The following DLGAP1 variants were observed in gnomAD, a reference collection of about 807,000 sequenced individuals.
DLGAP1 encodes the protein DLG associated protein 1.
DLGAP1 carries 11 observed loss-of-function variants against 90.8 expected under a neutral mutation model. That is an observed-to-expected ratio of 0.12 (90% confidence interval 0.08 to 0.20). The LOEUF (loss-of-function observed/expected upper bound fraction) is 0.20, where lower values mean the gene tolerates loss of function less well. Ranked by LOEUF, DLGAP1 falls within the 10% of genes least tolerant of loss-of-function variation. The pLI is 1.00. For synonymous variants in DLGAP1, 558 were observed against 540.7 expected (o/e 1.03, Z -0.44); for missense variants, 1,050 against 1,333.8 (o/e 0.79, Z 3.31).
chr18:3,580,211 G>C, intron 8 of DLGAP1: 1 of 1,578,226 alleles, frequency 6.3e-7, no homozygotes, highest in South Asian at 1.1e-5. Context: ...CAAACCTCCG[G>C]GTGGACATTC....
At chr18:4,322,389 A>G (rs2080713187) in intron 1 of DLGAP1, among the ~76,000 whole-genome samples, 1 of 152,190 alleles carries the variant, frequency 6.6e-6, no homozygotes, top group Non-Finnish European at 1.5e-5. Context: ...TACATAATGA[A>G]AAAAGGTCAG....
At chr18:4,045,470 GC>G (rs1400719034) in intron 2 of DLGAP1, among the ~76,000 whole-genome samples, 2 of 64,152 alleles carry the variant, frequency 3.1e-5, no homozygotes, top group Non-Finnish European at 5.9e-5. Flanking sequence ...AAAAAAGCTT[GC>G]CCCTGTAGTC....
intron 7 of DLGAP1, among the ~76,000 whole-genome samples, chr18:3,584,334 G>A (rs1212415954): frequency 1.4e-5 from 2 of 143,414 alleles, no homozygotes; most frequent in Non-Finnish European, 3.0e-5. Flanking sequence ...TGGCCATGCA[G>A]TCCCAACTTG....
At chr18:3,837,395 T>C (rs957141657) in intron 4 of DLGAP1, among the ~76,000 whole-genome samples, 2 of 152,212 alleles carry the variant, frequency 1.3e-5, no homozygotes, top group Non-Finnish European at 2.9e-5. Context: ...GCTGTAAATA[T>C]ATTAATTTAT....
intron 7 of DLGAP1, among the ~76,000 whole-genome samples, chr18:3,715,098 A>G (rs1169112191): frequency 6.6e-6 from 1 of 152,214 alleles, no homozygotes; most frequent in Non-Finnish European, 1.5e-5. Context: ...GAATGGAAGA[A>G]GCTCAACTGC....
At chr18:4,376,624 T>C (rs904699151) in intron 1 of DLGAP1, among the ~76,000 whole-genome samples, 3 of 152,218 alleles carry the variant, frequency 2.0e-5, no homozygotes, top group Non-Finnish European at 2.9e-5. Context: ...GGAAACTTTC[T>C]ATATCAGAAG....
rs372096586 is a variant in DLGAP1 at position 3,951,416 on chromosome 18, A to G, written c.-73+53700T>C. ...GATAAATAGAAAACTTTTGGACAATAGCTGTCAAAGTAATTTGAAAATGAT... is the reference window on the plus strand; with the variant it reads ...GATAAATAGAAAACTTTTGGACAATGGCTGTCAAAGTAATTTGAAAATGAT... On this transcript the variant is annotated intron_variant, in intron 3 of 12. Transcript: ENST00000315677. 5.5e-4 allele frequency among the ~76,000 whole-genome samples: 84 copies of G among 152,348 alleles called. 1 individual carries two copies. In the South Asian group the frequency reaches 0.017, roughly 31 times the overall value.
At chr18:3,887,214 C>T (rs576604482) in intron 3 of DLGAP1, among the ~76,000 whole-genome samples, 1 of 152,118 alleles carries the variant, frequency 6.6e-6, no homozygotes, top group Non-Finnish European at 1.5e-5. Context: ...AAATAGCTCG[C>T]GGTTATTTTG....
intron 4 of DLGAP1, among the ~76,000 whole-genome samples, chr18:3,875,315 C>T (rs1057379031): frequency 4.6e-5 from 7 of 152,184 alleles, no homozygotes; most frequent in Non-Finnish European, 7.4e-5. Flanking sequence ...CTAGCTCCCC[C>T]ACTTACTGTT....
intron 4 of DLGAP1, among the ~76,000 whole-genome samples, chr18:3,824,184 C>T (rs2067587513): frequency 6.6e-6 from 1 of 152,054 alleles, no homozygotes; most frequent in Non-Finnish European, 1.5e-5. Flanking sequence ...CCACCATATC[C>T]TATGATGTTT....
At chr18:3,804,004 A>ATATATATATATATAT (rs61369471) in intron 5 of DLGAP1, among the ~76,000 whole-genome samples, 2 of 79,452 alleles carry the variant, frequency 2.5e-5, no homozygotes, top group Admixed American at 1.3e-4. Context: ...ATATATATAT[A>ATATATATATATATAT]ATTTTTTTTG....
chr18:3,594,259 A>ACTT (rs1231935227), intron 7 of DLGAP1: 1 of 152,192 alleles, frequency 6.6e-6, no homozygotes. Context: ...GCAACCTTTG[A>ACTT]CTTATAAAAG....
At chr18:3,938,319 A>G (rs1034263295) in intron 3 of DLGAP1, among the ~76,000 whole-genome samples, 4 of 152,140 alleles carry the variant, frequency 2.6e-5, no homozygotes. Context: ...AACACATAAT[A>G]CCAGATACAA....
intron 3 of DLGAP1, among the ~76,000 whole-genome samples, chr18:3,920,962 C>T (rs780425445): frequency 2.0e-5 from 3 of 152,164 alleles, no homozygotes; most frequent in Admixed American, 6.5e-5. Context: ...CAACAGCTCT[C>T]GCCATCAAAA....
chr18:3,951,637 G>T (rs1245528310), intron 3 of DLGAP1, among the ~76,000 whole-genome samples: 2 of 152,174 alleles, frequency 1.3e-5, no homozygotes, highest in East Asian at 3.8e-4. Context: ...ATCTTGAATT[G>T]TAATCTGAAT....
intron 7 of DLGAP1, among the ~76,000 whole-genome samples, chr18:3,601,003 GATATAGATAGATAT>G (rs1568280205): frequency 3.8e-4 from 52 of 135,596 alleles, no homozygotes; most frequent in South Asian, 1.4e-3. Context: ...TAGATATATA[GATATAGATAGATAT>G]ATAGATATAT....
intron 5 of DLGAP1, among the ~76,000 whole-genome samples, chr18:3,807,138 G>T (rs1053643029): frequency 2.6e-5 from 4 of 152,166 alleles, no homozygotes; most frequent in African/African-American, 9.7e-5. Context: ...CTGCATGTCT[G>T]ATGTTTACAC....
rs192318538 is a variant in DLGAP1 at position 4,089,873 on chromosome 18, G to A, written c.-159+61307C>T. On this transcript the variant is annotated intron_variant, in intron 2 of 12. Coordinates refer to ENST00000315677, the MANE Select transcript of DLGAP1 (RefSeq NM_004746.4). ...ATCCTGGCTAACACGGTGAAACCCC[G>A]TCTCTACTAAAAACACAAAAAATTA... Among the ~76,000 whole-genome samples, 170 of 152,200 alleles carry A rather than the reference G, an allele frequency of 1.1e-3. No homozygotes were observed. In the South Asian group the frequency reaches 0.021, roughly 19 times the overall value.
At chr18:4,087,644 T>A (rs1328274536) in intron 2 of DLGAP1, among the ~76,000 whole-genome samples, 2 of 152,222 alleles carry the variant, frequency 1.3e-5, no homozygotes, top group East Asian at 3.8e-4. Flanking sequence ...TGCATGTGTG[T>A]CTTTAATTCC....
Sources: gnomAD v4.1 joint callset for allele counts (sites outside exome capture counted in the v4.1 genomes callset) on GRCh38, gnomAD v4.1.1 for gene constraint, MANE v1.5 for transcripts, NCBI Gene and HGNC (gene_info 2026-07-23, HGNC 2026-07-21) for gene names.